GSE1: variants seen among roughly 807,000 people sequenced by gnomAD.
GSE1 encodes Gse1 coiled-coil protein, also known as genetic suppressor element 1.
GSE1 carries 32 observed loss-of-function variants against 112.6 expected under a neutral mutation model. That is an observed-to-expected ratio of 0.28 (90% CI 0.21 to 0.38). The LOEUF (loss-of-function observed/expected upper bound fraction) is 0.38, where lower values mean the gene tolerates loss of function less well. Ranked by LOEUF, GSE1 falls within the 10% of genes least tolerant of loss-of-function variation. GSE1 has a pLI of 1.00. For missense variants in GSE1, 2,348 were observed against 1,699.2 expected, an observed-to-expected ratio of 1.38 and a Z score of -6.71; for synonymous variants, 1,115 against 735.6, an observed-to-expected ratio of 1.52 and a Z score of -8.35.
At chr16:85,429,380 C>T (rs1465786406) in intron 2 of GSE1, among the ~76,000 whole-genome samples, 1 of 152,212 alleles carries the variant, frequency 6.6e-6, no homozygotes, top group Non-Finnish European at 1.5e-5. Context: ...GCAGGAGTTG[C>T]GCTGCTGCCC....
intron 2 of GSE1, among the ~76,000 whole-genome samples, chr16:85,397,617 C>G (rs995520609): frequency 1.3e-5 from 2 of 152,166 alleles, no homozygotes; most frequent in Non-Finnish European, 2.9e-5. Context: ...CCTTCGGGTT[C>G]TGACTCAGCC....
intron 2 of GSE1, among the ~76,000 whole-genome samples, chr16:85,358,307 G>A (rs2046995202): frequency 6.6e-6 from 1 of 152,076 alleles, no homozygotes. Flanking sequence ...CAGATGCTTT[G>A]GCTGGGCTTG....
At chr16:85,190,351 A>G (rs984824350) in intron 1 of GSE1, among the ~76,000 whole-genome samples, 7 of 152,260 alleles carry the variant, frequency 4.6e-5, no homozygotes, top group Non-Finnish European at 8.8e-5. Flanking sequence ...TCTCTCATAT[A>G]TTAGTGGCTG....
chr16:85,325,534 C>G (rs995986065), intron 1 of GSE1, among the ~76,000 whole-genome samples: 1 of 152,080 alleles, frequency 6.6e-6, no homozygotes, highest in Admixed American at 6.6e-5. Context: ...TCACTGCAAC[C>G]TCCGCCTCCT....
intron 2 of GSE1, 64 bp downstream of exon 2, chr16:85,634,196 C>G: frequency 4.3e-6 from 5 of 1,170,828 alleles, no homozygotes; most frequent in Non-Finnish European, 5.7e-6. Context: ...GACTCAGCCT[C>G]CCGCCTGCGG....
At chr16:85,626,415 G>T (rs2049072352) in intron 1 of GSE1, among the ~76,000 whole-genome samples, 1 of 152,266 alleles carries the variant, frequency 6.6e-6, no homozygotes, top group African/African-American at 2.4e-5. Flanking sequence ...CGCCCCTTTG[G>T]GGGAGTGGGG....
intron 1 of GSE1, among the ~76,000 whole-genome samples, chr16:85,293,984 T>C (rs2045293291): frequency 2.6e-5 from 4 of 152,242 alleles, no homozygotes. Flanking sequence ...CAACCCAGCA[T>C]GATGCCTCCC....
chr16:85,334,864 C>T (rs545217347), intron 1 of GSE1, among the ~76,000 whole-genome samples: 5 of 152,286 alleles, frequency 3.3e-5, no homozygotes, highest in East Asian at 1.9e-4. Flanking sequence ...AAAGGAGAGC[C>T]GCTTTAGTGA....
At chr16:85,587,598 A>T (rs1032924907) in intron 1 of GSE1, among the ~76,000 whole-genome samples, 1 of 151,956 alleles carries the variant, frequency 6.6e-6, no homozygotes, top group African/African-American at 2.4e-5. Context: ...TTCTCAGCTC[A>T]GCCCAGGCCC....
At chr16:85,185,987 T>C (rs12596985) in intron 1 of GSE1, among the ~76,000 whole-genome samples, 87,992 of 152,114 alleles carry the variant, frequency 0.58, 26,059 homozygotes, top group African/African-American at 0.7. Flanking sequence ...TTCACGGGCC[T>C]TACTGTGTGC....
intron 1 of GSE1, among the ~76,000 whole-genome samples, chr16:85,273,851 G>A (rs964103302): frequency 1.3e-5 from 2 of 150,300 alleles, no homozygotes; most frequent in African/African-American, 2.5e-5. Context: ...CACGACACTC[G>A]GCTAATTTTG....
At chr16:85,637,536 C>T (rs1035312932) in intron 2 of GSE1, among the ~76,000 whole-genome samples, 3 of 151,578 alleles carry the variant, frequency 2.0e-5, no homozygotes, top group Non-Finnish European at 2.9e-5. Context: ...ATTGAGTCCC[C>T]CCTTGATCGC....
At position 85,387,677 on chromosome 16, in the gene GSE1, A is replaced by T. The variant is rs376232513; in HGVS notation, c.2464+30034A>T. On this transcript the variant is annotated intron_variant, in intron 2 of 2. Coordinates refer to the GSE1 transcript ENST00000637419. Reference sequence around the variant, plus strand: ...TTGTTCATTGATTTTCTTCTTTTAAACATCTCTCTCCCTTGGTTAGAACAT... The same window carrying T: ...TTGTTCATTGATTTTCTTCTTTTAATCATCTCTCTCCCTTGGTTAGAACAT... Among the ~76,000 whole-genome samples, 14 of 152,300 alleles carry T rather than the reference A, an allele frequency of 9.2e-5. 1 individual carries two copies. The highest frequency in any genetic ancestry group is 3.4e-4 in the African/African-American group (14 of 41,562).
chr16:85,393,142 A>G (rs1567731992), intron 2 of GSE1, among the ~76,000 whole-genome samples: 1 of 152,168 alleles, frequency 6.6e-6, no homozygotes. Context: ...GGTGGTGCGC[A>G]CTTGTAATCC....
chr16:85,645,663 G>A (rs978369904), intron 2 of GSE1, among the ~76,000 whole-genome samples: 2 of 152,236 alleles, frequency 1.3e-5, no homozygotes, highest in African/African-American at 4.8e-5. Flanking sequence ...TGGTGAATGT[G>A]CGCGTGCCCA....
chr16:85,223,526 A>C, intron 1 of GSE1, among the ~76,000 whole-genome samples: 1 of 152,126 alleles, frequency 6.6e-6, no homozygotes, highest in East Asian at 1.9e-4. Context: ...CCATCTCAAA[A>C]AACAACAACA....
chr16:85,430,733 G>A (rs1056354548), intron 2 of GSE1, among the ~76,000 whole-genome samples: 4 of 152,222 alleles, frequency 2.6e-5, no homozygotes, highest in African/African-American at 7.2e-5. Context: ...GAAGGGCACC[G>A]CTGGGGAAAT....
intron 1 of GSE1, among the ~76,000 whole-genome samples, chr16:85,326,146 T>C (rs2046223941): frequency 6.6e-6 from 1 of 152,068 alleles, no homozygotes; most frequent in Non-Finnish European, 1.5e-5. Flanking sequence ...GGAAGGGTCA[T>C]ACATCTCTGG....
At chr16:85,539,995 T>A (rs1009142318) in intron 2 of GSE1, among the ~76,000 whole-genome samples, 3 of 152,126 alleles carry the variant, frequency 2.0e-5, no homozygotes, top group African/African-American at 7.2e-5. Flanking sequence ...TGCAGGCTCG[T>A]CTTTTATTTT....
Sources: gnomAD v4.1 joint callset for allele counts (sites outside exome capture counted in the v4.1 genomes callset) on GRCh38, gnomAD v4.1.1 for gene constraint, MANE v1.5 for transcripts, NCBI Gene and HGNC (gene_info 2026-07-23, HGNC 2026-07-21) for gene names.